SLC9A9: variants seen among roughly 807,000 people sequenced by gnomAD.
SLC9A9 encodes the protein sodium/hydrogen exchanger 9.
A neutral mutation model predicts 77.8 loss-of-function variants in SLC9A9; 62 were observed. The ratio of observed to expected loss-of-function variants is 0.80; its 90% CI spans 0.65 to 0.98. The LOEUF (loss-of-function observed/expected upper bound fraction) is 0.98, where lower values mean the gene tolerates loss of function less well. SLC9A9 is among the 50% of genes least tolerant of loss of function. The pLI is 0.00. For synonymous variants in SLC9A9, 320 were observed against 283.5 expected (o/e 1.13, Z -1.29); for missense variants, 775 against 774.9 (o/e 1.00, Z 0.00).
chr3:143,585,047 T>C (rs2037518918), intron 6 of SLC9A9, among the ~76,000 whole-genome samples: 1 of 152,130 alleles, frequency 6.6e-6, no homozygotes, highest in Admixed American at 6.5e-5. Context: ...GGTCTCAGTC[T>C]TTTTGCTGCT....
At chr3:143,464,934 G>T (rs1313646976) in intron 12 of SLC9A9, among the ~76,000 whole-genome samples, 1 of 152,078 alleles carries the variant, frequency 6.6e-6, no homozygotes, top group Non-Finnish European at 1.5e-5. Context: ...CTCATGATTG[G>T]GTCTCTGGTC....
intron 12 of SLC9A9, among the ~76,000 whole-genome samples, chr3:143,455,329 G>T (rs908118646): frequency 6.6e-6 from 1 of 152,148 alleles, no homozygotes; most frequent in African/African-American, 2.4e-5. Context: ...ATGTTAAAGT[G>T]AGTCTTAAAA....
intron 4 of SLC9A9, among the ~76,000 whole-genome samples, chr3:143,786,479 C>A (rs77922606): frequency 0.017 from 2,550 of 152,230 alleles, 69 homozygotes; most frequent in African/African-American, 0.059. Context: ...GAATGATACA[C>A]GGGCTCACAC....
chr3:143,526,017 G>C (rs1483068834), intron 9 of SLC9A9, among the ~76,000 whole-genome samples: 2 of 152,186 alleles, frequency 1.3e-5, no homozygotes, highest in African/African-American at 4.8e-5. Flanking sequence ...AATTGTCCTT[G>C]AGTCTTATTA....
chr3:143,790,321 T>C (rs2008182726), intron 4 of SLC9A9, among the ~76,000 whole-genome samples: 1 of 152,200 alleles, frequency 6.6e-6, no homozygotes. Context: ...ATTAAGCAAG[T>C]AAAATGGATT....
In SLC9A9 at chr3:143,629,155, G is replaced by A. The variant is rs79590630; in HGVS notation, c.755+23100C>T. Among the ~76,000 whole-genome samples, 1,055 of 152,180 alleles carry A rather than the reference G, an allele frequency of 6.9e-3. 12 individuals are homozygous for A. Among genetic ancestry groups the A allele is most frequent in the African/African-American group, 0.024 (1,007 of 41,512 alleles). ...AACTGACTCTAATCAGTAACCACACGGGGGAACCACTAAATAAATAAATGG... is the reference window on the plus strand; with the variant it reads ...AACTGACTCTAATCAGTAACCACACAGGGGAACCACTAAATAAATAAATGG... On this transcript the variant is annotated intron_variant, in intron 6 of 15. Coordinates refer to ENST00000316549, the MANE Select transcript of SLC9A9 (RefSeq NM_173653.4).
chr3:143,305,324 C>T (rs908809842), intron 14 of SLC9A9, among the ~76,000 whole-genome samples: 1 of 152,154 alleles, frequency 6.6e-6, no homozygotes, highest in East Asian at 1.9e-4. Context: ...AATGGACATG[C>T]TGAGTGCTAA....
chr3:143,534,429 T>C (rs2036558851), intron 9 of SLC9A9, among the ~76,000 whole-genome samples: 1 of 152,224 alleles, frequency 6.6e-6, no homozygotes, highest in African/African-American at 2.4e-5. Flanking sequence ...TGACATTCAT[T>C]CCTGTGCTAA....
intron 9 of SLC9A9, chr3:143,504,329 GGGA>G (rs2035974867): frequency 5.5e-6 from 1 of 181,004 alleles, no homozygotes; most frequent in Non-Finnish European, 1.1e-5. Context: ...TCTATTGAAT[GGGA>G]GGAGAAGAGA....
At chr3:143,281,151 T>A (rs1938206169) in intron 14 of SLC9A9, among the ~76,000 whole-genome samples, 1 of 152,216 alleles carries the variant, frequency 6.6e-6, no homozygotes, top group Non-Finnish European at 1.5e-5. Context: ...ACCCTCTCCC[T>A]GTTACAGTGA....
At chr3:143,406,901 G>A (rs1438392214) in intron 12 of SLC9A9, among the ~76,000 whole-genome samples, 1 of 150,990 alleles carries the variant, frequency 6.6e-6, no homozygotes, top group African/African-American at 2.4e-5. Context: ...GCTTGAACCT[G>A]GGAGGCAGAG....
intron 4 of SLC9A9, among the ~76,000 whole-genome samples, chr3:143,751,207 AAAAG>A (rs1352345524): frequency 7.9e-5 from 12 of 152,270 alleles, no homozygotes; most frequent in Non-Finnish European, 1.8e-4. Flanking sequence ...CTGTGTGGAG[AAAAG>A]GTTGCAGACT....
chr3:143,523,419 T>A (rs1358124315), intron 9 of SLC9A9, among the ~76,000 whole-genome samples: 2 of 152,152 alleles, frequency 1.3e-5, no homozygotes, highest in Admixed American at 1.3e-4. Context: ...TAAAAACAAT[T>A]ATATAATTAG....
intron 12 of SLC9A9, among the ~76,000 whole-genome samples, chr3:143,419,653 T>C (rs1215081146): frequency 6.6e-6 from 1 of 152,086 alleles, no homozygotes; most frequent in African/African-American, 2.4e-5. Flanking sequence ...GTGGGTGAGA[T>C]GAAGTTGACC....
intron 11 of SLC9A9, among the ~76,000 whole-genome samples, chr3:143,476,768 G>A (rs543385540): frequency 6.6e-6 from 1 of 152,244 alleles, no homozygotes; most frequent in Admixed American, 6.5e-5. Flanking sequence ...GGAATATATG[G>A]CACTGTCTGG....
intron 4 of SLC9A9, among the ~76,000 whole-genome samples, chr3:143,761,400 C>A (rs1485602006): frequency 6.6e-6 from 1 of 152,108 alleles, no homozygotes; most frequent in African/African-American, 2.4e-5. Flanking sequence ...TCAGAGTGAA[C>A]AGGCAACCTA....
intron 9 of SLC9A9, among the ~76,000 whole-genome samples, chr3:143,526,529 G>A (rs963369211): frequency 3.9e-5 from 6 of 152,124 alleles, no homozygotes; most frequent in Non-Finnish European, 7.4e-5. Context: ...TTTAAGAGAA[G>A]AAAGGCCCCC....
chr3:143,526,649 A>G (rs1373775318), intron 9 of SLC9A9, among the ~76,000 whole-genome samples: 1 of 152,176 alleles, frequency 6.6e-6, no homozygotes, highest in African/African-American at 2.4e-5. Flanking sequence ...GGAGACAGAG[A>G]ACAATTTATT....
At chr3:143,633,020 T>C (rs1223898340) in intron 6 of SLC9A9, among the ~76,000 whole-genome samples, 1 of 152,224 alleles carries the variant, frequency 6.6e-6, no homozygotes, top group Non-Finnish European at 1.5e-5. Flanking sequence ...TTTACTCTCA[T>C]CATTTAAAGT....
Sources: allele counts gnomAD v4.1 joint callset (sites outside exome capture counted in the v4.1 genomes callset), GRCh38; gene constraint gnomAD v4.1.1; transcripts MANE v1.5; gene names NCBI Gene and HGNC (gene_info 2026-07-23, HGNC 2026-07-21).